The following PBRM1 variants were observed in gnomAD, a reference collection of about 807,000 sequenced individuals.
PBRM1 encodes the protein polybromo 1.
A neutral mutation model predicts 194.5 loss-of-function variants in PBRM1; 27 were observed. That is an observed-to-expected ratio of 0.14 (90% confidence interval 0.10 to 0.19). PBRM1 has a LOEUF of 0.19. Among genes scored for constraint, PBRM1 ranks in the 10% least tolerant of loss-of-function variants. The probability of loss-of-function intolerance (pLI) is 1.00; values close to 1 mark genes in which losing one functional copy is unlikely to be tolerated. For missense variants in PBRM1, 1,466 were observed against 2,077.2 expected (o/e 0.71, Z 5.72); for synonymous variants, 655 against 693.2 (o/e 0.94, Z 0.87).
chr3:52,679,326 T>C (rs1422614742), intron 1 of PBRM1, among the ~76,000 whole-genome samples: 1 of 152,266 alleles, frequency 6.6e-6, no homozygotes, highest in Non-Finnish European at 1.5e-5. Flanking sequence ...GAACAGTGCT[T>C]GTCACATGAT....
intron 10 of PBRM1, among the ~76,000 whole-genome samples, chr3:52,640,517 C>T: frequency 6.6e-6 from 1 of 152,000 alleles, no homozygotes; most frequent in East Asian, 1.9e-4. Context: ...GCAATCCTCC[C>T]ACCTAGGCCT....
chr3:52,631,393 C>G (rs369773400), intron 11 of PBRM1, among the ~76,000 whole-genome samples: 1 of 152,274 alleles, frequency 6.6e-6, no homozygotes, highest in Non-Finnish European at 1.5e-5. Flanking sequence ...TGTTAGCCAG[C>G]CTTATTTCCT....
chr3:52,632,926 T>C (rs2095669311), intron 11 of PBRM1, among the ~76,000 whole-genome samples: 1 of 152,090 alleles, frequency 6.6e-6, no homozygotes, highest in African/African-American at 2.4e-5. Flanking sequence ...ACTCCTGACC[T>C]CAAGTGATTT....
At chr3:52,633,244 C>T (rs1279147612) in intron 11 of PBRM1, among the ~76,000 whole-genome samples, 1 of 151,874 alleles carries the variant, frequency 6.6e-6, no homozygotes, top group African/African-American at 2.4e-5. Flanking sequence ...CTTCTGATTG[C>T]ACAAATACTC....
At chr3:52,612,282 A>AAAAAAAAAAAAAT in intron 15 of PBRM1, among the ~76,000 whole-genome samples, 1 of 149,582 alleles carries the variant, frequency 6.7e-6, no homozygotes, top group Non-Finnish European at 1.5e-5. Context: ...AAAAAAAAAA[A>AAAAAAAAAAAAAT]GAGGTATCAA....
chr3:52,613,295 T>C (rs981653824), intron 15 of PBRM1, among the ~76,000 whole-genome samples: 1 of 151,318 alleles, frequency 6.6e-6, no homozygotes, highest in African/African-American at 2.4e-5. Context: ...TTTTGACAAA[T>C]GATGGGTAAC....
chr3:52,592,498 T>C (rs1373350754), intron 17 of PBRM1, among the ~76,000 whole-genome samples: 1 of 152,214 alleles, frequency 6.6e-6, no homozygotes, highest in Non-Finnish European at 1.5e-5. Context: ...CAACCTTGCA[T>C]CCCAGGGATA....
chr3:52,551,119 C>T (rs1436482840), intron 27 of PBRM1, among the ~76,000 whole-genome samples: 1 of 152,156 alleles, frequency 6.6e-6, no homozygotes. Flanking sequence ...CAGAATATAC[C>T]TCTACATTCA....
chr3:52,636,026 GC>G (rs751514248), intron 10 of PBRM1, among the ~76,000 whole-genome samples: 3 of 151,186 alleles, frequency 2.0e-5, no homozygotes, highest in Non-Finnish European at 4.4e-5. Context: ...ACCACGCCTG[GC>G]CAATTTGGTT....
intron 26 of PBRM1, 30 bp from the exon 29 acceptor site, chr3:52,554,909 C>T: frequency 6.3e-7 from 1 of 1,592,278 alleles, no homozygotes. Flanking sequence ...TTCAGACATG[C>T]ATCATTAACA....
At chr3:52,581,438 A>G (rs1189555084) in intron 20 of PBRM1, among the ~76,000 whole-genome samples, 1 of 150,432 alleles carries the variant, frequency 6.6e-6, no homozygotes, top group Non-Finnish European at 1.5e-5. Context: ...TGAACTCATG[A>G]GGCGGAGGTT....
chr3:52,642,508 C>T (rs1013947089), intron 9 of PBRM1, among the ~76,000 whole-genome samples: 21 of 147,226 alleles, frequency 1.4e-4, no homozygotes, highest in East Asian at 2.2e-4. Flanking sequence ...CCCAGCTATT[C>T]GGGAGGCTGA....
Position 52,581,828 on chromosome 3 carries a change from G to C in PBRM1, c.3388-2629C>G, listed in dbSNP as rs112395704. On this transcript the variant is annotated intron_variant, in intron 20 of 29. Transcript: ENST00000296302. Reference sequence around the variant, plus strand: ...AATTTTTGTATTTTTAGTAGAGACAGGGTTTCACCATGTTGGCCTGGATGG... The same window carrying C: ...AATTTTTGTATTTTTAGTAGAGACACGGTTTCACCATGTTGGCCTGGATGG... Among the ~76,000 whole-genome samples the C allele has an allele frequency of 4.2e-3, 640 of 152,128 alleles. 8 individuals are homozygous for C. The highest frequency in any genetic ancestry group is 0.015 in the African/African-American group (610 of 41,522).
At chr3:52,560,780 G>C (rs748673719) in intron 25 of PBRM1, 8 of 152,020 alleles carry the variant, frequency 5.3e-5, no homozygotes, top group Non-Finnish European at 8.8e-5. Flanking sequence ...GGGGAAGCCT[G>C]TCAGATAATT....
chr3:52,659,067 G>T (rs968475524), intron 4 of PBRM1, among the ~76,000 whole-genome samples: 2 of 152,154 alleles, frequency 1.3e-5, no homozygotes, highest in African/African-American at 2.4e-5. Flanking sequence ...TAACCACGGG[G>T]TGCTCTACCA....
At chr3:52,629,184 C>G in intron 11 of PBRM1, 149 bp from the exon 13 acceptor site, 3 of 625,784 alleles carry the variant, frequency 4.8e-6, no homozygotes, top group Non-Finnish European at 8.2e-6. Flanking sequence ...TTTTGAGATA[C>G]AAAGTAAGGA....
At chr3:52,564,197 G>A (rs2153527133) in exon 23 of PBRM1, 1 of 1,613,856 alleles carries the variant, frequency 6.2e-7, no homozygotes, top group Non-Finnish European at 8.5e-7. Flanking sequence ...TGGCCTGCAG[G>A]AGAGGAAGTC....
chr3:52,636,317 G>A (rs181444609), intron 10 of PBRM1, among the ~76,000 whole-genome samples: 115 of 152,040 alleles, frequency 7.6e-4, no homozygotes, highest in African/African-American at 2.5e-3. Context: ...CAAACAAAAC[G>A]TAATTATTTT....
At chr3:52,584,403 A>G (rs953347676) in intron 20 of PBRM1, among the ~76,000 whole-genome samples, 18 of 146,542 alleles carry the variant, frequency 1.2e-4, no homozygotes, top group Non-Finnish European at 2.5e-4. Context: ...TCTGTTTCCA[A>G]CCTTTTCAGT....
Sources: allele counts gnomAD v4.1 joint callset (sites outside exome capture counted in the v4.1 genomes callset), GRCh38; gene constraint gnomAD v4.1.1; transcripts MANE v1.5; gene names NCBI Gene and HGNC (gene_info 2026-07-23, HGNC 2026-07-21).